The following AGBL4 variants were observed in gnomAD, a reference collection of about 807,000 sequenced individuals.
AGBL4 encodes AGBL carboxypeptidase 4.
A neutral mutation model predicts 66.4 loss-of-function variants in AGBL4; 58 were observed. That is an observed-to-expected ratio of 0.87 (90% CI 0.71 to 1.09). The LOEUF (loss-of-function observed/expected upper bound fraction) is 1.09. Ranked by LOEUF, AGBL4 falls within the 50% of genes least tolerant of loss-of-function variation. The pLI, the probability that AGBL4 is intolerant of heterozygous loss-of-function variation, is 0.00. For missense variants in AGBL4, 579 were observed against 631.0 expected, an observed-to-expected ratio of 0.92 and a Z score of 0.88; for synonymous variants, 234 against 222.9, an observed-to-expected ratio of 1.05 and a Z score of -0.44.
intron 9 of AGBL4, among the ~76,000 whole-genome samples, chr1:48,600,739 A>G (rs1014219395): frequency 2.0e-5 from 3 of 152,230 alleles, no homozygotes; most frequent in African/African-American, 7.2e-5. Flanking sequence ...TGACCTCAGC[A>G]GAATATATTT....
Position 49,697,538 on chromosome 1 carries a change from A to G in AGBL4, c.158-101T>C, listed in dbSNP as rs150057943. On this transcript the variant is annotated intron_variant, in intron 2 of 13. Transcript: ENST00000371839. ...TGCTCTCTGATAGTGGCATTTGTCA[A>G]CATTCAGTACTTGAAGGTTCAGTGT... 226 of 970,220 alleles carry G rather than the reference A, an allele frequency of 2.3e-4. 2 individuals carry two copies. In the African/African-American group the frequency reaches 3.3e-3, roughly 14 times the overall value. 60.1% of individuals were successfully genotyped at this position (970,220 alleles called of 1,614,324 possible).
chr1:49,961,894 T>G (rs1362681675), intron 1 of AGBL4, among the ~76,000 whole-genome samples: 1 of 152,162 alleles, frequency 6.6e-6, no homozygotes, highest in African/African-American at 2.4e-5. Flanking sequence ...ACAGCACCTT[T>G]GAAATGTTAA....
intron 1 of AGBL4, among the ~76,000 whole-genome samples, chr1:49,969,521 C>A (rs1657873029): frequency 6.6e-6 from 1 of 152,160 alleles, no homozygotes; most frequent in African/African-American, 2.4e-5. Context: ...AATACCTCCC[C>A]ATTTCCCCCA....
chr1:49,047,360 A>T (rs1305579698), intron 4 of AGBL4, among the ~76,000 whole-genome samples: 1 of 152,194 alleles, frequency 6.6e-6, no homozygotes, highest in Non-Finnish European at 1.5e-5. Context: ...GAGCTTTCAC[A>T]TAAAAGTCAG....
At chr1:48,759,345 A>G (rs1336397021) in intron 6 of AGBL4, 1 of 1,517,364 alleles carries the variant, frequency 6.6e-7, no homozygotes. Context: ...TGGACTGCAG[A>G]TCAATATTTC....
At chr1:48,947,898 G>GC (rs1656653978) in intron 5 of AGBL4, among the ~76,000 whole-genome samples, 2 of 142,570 alleles carry the variant, frequency 1.4e-5, no homozygotes, top group African/African-American at 5.1e-5. Flanking sequence ...TTTTTGTTTT[G>GC]TTTTTTTTTT....
chr1:48,961,511 G>C (rs1056652556), intron 5 of AGBL4, among the ~76,000 whole-genome samples: 1 of 152,224 alleles, frequency 6.6e-6, no homozygotes, highest in Non-Finnish European at 1.5e-5. Flanking sequence ...AAAACTGTGT[G>C]TTGGCGCAGA....
rs1284668648 is a variant in AGBL4, at chr1:48,534,878, G to A, written c.1391+12C>T. ...TACTTACGGGCAATGTCATCTTGAA[G>A]CAGTTCCTTACCTTCTCTGGACTTC... On this transcript the variant is annotated intron_variant, in intron 13 of 13. Transcript: ENST00000371839. The A allele has an allele frequency of 1.3e-6, 2 of 1,551,148 alleles. No homozygotes were observed. Among genetic ancestry groups the A allele is most frequent in the Admixed American group, 3.9e-5 (2 of 50,982 alleles).
chr1:49,882,267 A>G (rs1647419945), intron 1 of AGBL4, among the ~76,000 whole-genome samples: 1 of 150,258 alleles, frequency 6.7e-6, no homozygotes, highest in South Asian at 2.1e-4. Context: ...TGGTACCAGT[A>G]CCATGCTGTT....
At chr1:48,663,082 T>C in intron 7 of AGBL4, 70 bp downstream of exon 7, 2 of 1,456,818 alleles carry the variant, frequency 1.4e-6, no homozygotes, top group Non-Finnish European at 1.9e-6. Context: ...GTGGCCACAC[T>C]GTTCCAGAGA....
At chr1:49,514,147 C>T (rs889444797) in intron 3 of AGBL4, among the ~76,000 whole-genome samples, 3 of 151,834 alleles carry the variant, frequency 2.0e-5, no homozygotes, top group Non-Finnish European at 4.4e-5. Context: ...TCTAGATAAA[C>T]AATCATGTCA....
chr1:49,800,626 T>G (rs1013565756), intron 2 of AGBL4, among the ~76,000 whole-genome samples: 8 of 112,932 alleles, frequency 7.1e-5, no homozygotes, highest in South Asian at 3.3e-4. Context: ...TTTGGTTTTT[T>G]GTTCTTGCGA....
chr1:48,616,310 G>A (rs1645317041), intron 9 of AGBL4, among the ~76,000 whole-genome samples: 3 of 152,132 alleles, frequency 2.0e-5, no homozygotes, highest in South Asian at 2.1e-4. Flanking sequence ...GATTCCAGGA[G>A]GCCTCTACAA....
intron 6 of AGBL4, among the ~76,000 whole-genome samples, chr1:48,672,026 T>C (rs781616212): frequency 1.3e-5 from 2 of 152,176 alleles, no homozygotes; most frequent in Non-Finnish European, 2.9e-5. Context: ...ACAAAAACAG[T>C]TTCCCTAGGA....
chr1:49,429,250 A>G (rs1645731145), intron 3 of AGBL4, among the ~76,000 whole-genome samples: 1 of 152,196 alleles, frequency 6.6e-6, no homozygotes, highest in Admixed American at 6.5e-5. Context: ...TTTCAAATAT[A>G]AAAATTTACA....
intron 4 of AGBL4, among the ~76,000 whole-genome samples, chr1:49,078,769 T>C (rs1012480483): frequency 2.6e-5 from 4 of 152,284 alleles, no homozygotes; most frequent in Middle Eastern, 3.4e-3. Context: ...TTATTGACCT[T>C]TTGTCTTCAA....
At chr1:49,205,874 G>A (rs1447691371) in intron 4 of AGBL4, among the ~76,000 whole-genome samples, 1 of 152,038 alleles carries the variant, frequency 6.6e-6, no homozygotes, top group African/African-American at 2.4e-5. Flanking sequence ...TGAATTCCTA[G>A]GTCTCCACAA....
At chr1:49,743,629 A>G (rs1226052542) in intron 2 of AGBL4, among the ~76,000 whole-genome samples, 2 of 152,118 alleles carry the variant, frequency 1.3e-5, no homozygotes, top group South Asian at 2.1e-4. Context: ...CACTATTCAC[A>G]ATAGCAAAGA....
At chr1:48,885,565 G>T (rs1290189376) in intron 5 of AGBL4, among the ~76,000 whole-genome samples, 1 of 152,162 alleles carries the variant, frequency 6.6e-6, no homozygotes, top group Non-Finnish European at 1.5e-5. Flanking sequence ...TGAAAATGCA[G>T]AGTTCCTTTT....
Sources: gnomAD v4.1 joint callset for allele counts (sites outside exome capture counted in the v4.1 genomes callset) on GRCh38, gnomAD v4.1.1 for gene constraint, MANE v1.5 for transcripts, NCBI Gene and HGNC (gene_info 2026-07-23, HGNC 2026-07-21) for gene names.